The following EMB variants were observed in gnomAD, a reference collection of about 807,000 sequenced individuals.
The protein encoded by EMB is embigin homolog.
EMB carries 31 observed loss-of-function variants against 41.4 expected under a neutral mutation model. That is an observed-to-expected ratio of 0.75 (90% CI 0.56 to 1.01). The LOEUF is 1.01. Among genes scored for constraint, EMB ranks in the 50% least tolerant of loss-of-function variants. The probability of loss-of-function intolerance (pLI) is 0.00; values close to 1 mark genes in which losing one functional copy is unlikely to be tolerated. For missense variants in EMB, 379 were observed against 388.3 expected, an observed-to-expected ratio of 0.98 and a Z score of 0.20; for synonymous variants, 137 against 140.4, an observed-to-expected ratio of 0.98 and a Z score of 0.17.
rs1745103023 is a variant in EMB, at chr5:50,398,238, TG to T, written c.*1034del. ...CAGATTTTATAAGATTTGATTACAGTGAGTTTATAAAATATTTCAGTTATAT... is the reference window on the plus strand; with the variant it reads ...CAGATTTTATAAGATTTGATTACAGTAGTTTATAAAATATTTCAGTTATAT... On this transcript the variant is annotated 3_prime_UTR_variant, in exon 9 of 9. Coordinates refer to ENST00000303221, the MANE Select transcript of EMB (RefSeq NM_198449.3). The T allele has an allele frequency of 6.6e-6, 1 of 151,746 alleles. No homozygotes were observed. The highest frequency in any genetic ancestry group is 2.4e-5 in the African/African-American group (1 of 41,294). 9.4% of individuals were successfully genotyped at this position (151,746 alleles called of 1,614,324 possible). A position where few individuals can be genotyped will look rare whatever the true frequency, so the allele number is the denominator to read the frequency against.
At chr5:50,426,043 T>A (rs2111840565) in intron 2 of EMB, among the ~76,000 whole-genome samples, 1 of 152,352 alleles carries the variant, frequency 6.6e-6, no homozygotes, top group Non-Finnish European at 1.5e-5. Context: ...ATAGCTTTAT[T>A]TTCATTGTTT....
At position 50,411,357 on chromosome 5, in the gene EMB, T is replaced by A. The variant is rs1284769619; in HGVS notation, c.223A>T (p.Asn75Tyr). 1.2e-6 allele frequency: 2 copies of A among 1,605,518 alleles called. No homozygotes were observed. Among genetic ancestry groups the A allele is most frequent in the Non-Finnish European group, 1.7e-6 (2 of 1,175,504 alleles). The stretch of plus-strand genomic sequence containing the variant: ...TTAGAAGGCCTTTCTAAAGTGATAT[T>A]TTTTTCTACTGGCATACTAGAATGT... The part of the protein sequence containing the change: ...TEHSSMPVEK[N>Y]ITLERPSNVN... The change falls in exon 3 of 9, where the codon AAT becomes TAT. Residue 75 changes from asparagine (N) to tyrosine (Y), a missense_variant. Coordinates refer to ENST00000303221, the MANE Select transcript of EMB (RefSeq NM_198449.3).
intron 1 of EMB, among the ~76,000 whole-genome samples, chr5:50,431,792 A>C (rs1201062902): frequency 6.6e-6 from 1 of 152,232 alleles, no homozygotes; most frequent in Non-Finnish European, 1.5e-5. Context: ...GTAACATCAA[A>C]TAGTTGCTCA....
At chr5:50,411,920 G>T (rs1338117068) in intron 2 of EMB, 1 of 152,046 alleles carries the variant, frequency 6.6e-6, no homozygotes, top group Non-Finnish European at 1.5e-5. Context: ...TATAGACATA[G>T]GTACAAGACA....
At chr5:50,423,458 A>T (rs1296045060) in intron 2 of EMB, among the ~76,000 whole-genome samples, 2 of 152,144 alleles carry the variant, frequency 1.3e-5, no homozygotes, top group African/African-American at 4.8e-5. Context: ...TATAATATTC[A>T]TTCTCATGTT....
intron 6 of EMB, among the ~76,000 whole-genome samples, chr5:50,402,769 GA>G (rs954252345): frequency 6.8e-6 from 1 of 146,390 alleles, no homozygotes; most frequent in African/African-American, 2.5e-5. Flanking sequence ...CTAAGTGAAA[GA>G]AAAATTGTTT....
At chr5:50,406,936 AG>A (rs1745258556) in intron 4 of EMB, among the ~76,000 whole-genome samples, 1 of 151,964 alleles carries the variant, frequency 6.6e-6, no homozygotes, top group Non-Finnish European at 1.5e-5. Flanking sequence ...ACAACCTGAG[AG>A]GAAGAGCAGC....
upstream of EMB, among the ~76,000 whole-genome samples, chr5:50,442,726 C>T (rs929849101): frequency 6.6e-6 from 1 of 152,214 alleles, no homozygotes; most frequent in Non-Finnish European, 1.5e-5. Flanking sequence ...ATGGCTGCTA[C>T]ATCACACCTC....
In EMB at chr5:50,441,097, G is replaced by A. The variant is rs1207990536; in HGVS notation, c.55C>T (p.Leu19Phe). Residue 19 changes from leucine (L) to phenylalanine (F), a missense_variant, in exon 1 of 9, where the codon CTC (leucine) becomes TTC (phenylalanine). Physicochemically the swap from Leu to Phe is conservative, Grantham distance 22 (BLOSUM62 0). Transcript: ENST00000303221. ...EARARTPRLLLLQCLLAAARP... is the reference protein window; with the variant it reads ...EARARTPRLLFLQCLLAAARP... Reference sequence around the variant, plus strand: ...GCGGCAGCGAGAAGGCACTGGAGGAGGAGCAGCCGGGGCGTACGCGCCCTG... The same window carrying A: ...GCGGCAGCGAGAAGGCACTGGAGGAAGAGCAGCCGGGGCGTACGCGCCCTG... 1 of 1,519,608 alleles carries A rather than the reference G, an allele frequency of 6.6e-7. No individual in the cohort carries two copies. Among genetic ancestry groups the A allele is most frequent in the African/African-American group, 1.4e-5 (1 of 70,798 alleles). 94.1% of individuals were successfully genotyped at this position (1,519,608 alleles called of 1,614,324 possible).
intron 2 of EMB, among the ~76,000 whole-genome samples, chr5:50,418,214 T>G: frequency 6.6e-6 from 1 of 152,250 alleles, no homozygotes; most frequent in East Asian, 1.9e-4. Flanking sequence ...CTATAGTAAA[T>G]GGTTACACTG....
chr5:50,421,279 A>C (rs945021632), intron 2 of EMB, among the ~76,000 whole-genome samples: 7 of 151,882 alleles, frequency 4.6e-5, no homozygotes, highest in African/African-American at 1.7e-4. Context: ...ATGCAGCCAA[A>C]AGACACATGA....
intron 4 of EMB, among the ~76,000 whole-genome samples, chr5:50,408,774 C>T (rs1745286805): frequency 6.6e-6 from 1 of 151,992 alleles, no homozygotes; most frequent in South Asian, 2.1e-4. Context: ...TAAAAATACA[C>T]ACCATTTTAT....
chr5:50,428,253 C>T, intron 1 of EMB, 26 bp from the exon 2 acceptor site: 1 of 1,518,864 alleles, frequency 6.6e-7, no homozygotes, highest in Non-Finnish European at 9.1e-7. Context: ...CACATGATTA[C>T]ACACTCTTAT....
At chr5:50,418,277 G>A (rs1349029488) in intron 2 of EMB, among the ~76,000 whole-genome samples, 1 of 152,210 alleles carries the variant, frequency 6.6e-6, no homozygotes, top group Non-Finnish European at 1.5e-5. Flanking sequence ...TTAACATGAA[G>A]TTAATCCAAC....
intron 1 of EMB, among the ~76,000 whole-genome samples, chr5:50,432,334 AT>A (rs201919204): frequency 0.015 from 2,319 of 152,268 alleles, 55 homozygotes; most frequent in African/African-American, 0.052. Context: ...CTCTATACTG[AT>A]TGCTATCAAC....
At chr5:50,430,953 A>T (rs1042731741) in intron 1 of EMB, among the ~76,000 whole-genome samples, 2 of 152,162 alleles carry the variant, frequency 1.3e-5, no homozygotes, top group Non-Finnish European at 2.9e-5. Context: ...CAGTTGAAGG[A>T]TAGGAAAGGA....
intron 2 of EMB, among the ~76,000 whole-genome samples, chr5:50,417,695 C>T (rs571839277): frequency 6.6e-6 from 1 of 152,172 alleles, no homozygotes; most frequent in Non-Finnish European, 1.5e-5. Context: ...TCCCTGGAGA[C>T]TCCCTCAAGA....
intron 1 of EMB, among the ~76,000 whole-genome samples, chr5:50,440,755 G>C (rs986067895): frequency 1.3e-5 from 2 of 152,044 alleles, no homozygotes; most frequent in Non-Finnish European, 2.9e-5. Context: ...GGAAAAACCA[G>C]ACTCTGCCCT....
chr5:50,438,914 T>C (rs981240900), intron 1 of EMB, among the ~76,000 whole-genome samples: 2 of 151,924 alleles, frequency 1.3e-5, no homozygotes, highest in African/African-American at 4.8e-5. Flanking sequence ...TTTTTTTTTT[T>C]TTTTCCTTTA....
Sources: gnomAD v4.1 joint callset for allele counts (sites outside exome capture counted in the v4.1 genomes callset) on GRCh38, gnomAD v4.1.1 for gene constraint, MANE v1.5 for transcripts, NCBI Gene and HGNC (gene_info 2026-07-23, HGNC 2026-07-21) for gene names.